Variants in SLC5A7 observed in about 807,000 individuals in gnomAD.
SLC5A7 encodes the protein high affinity choline transporter 1.
A neutral mutation model predicts 55.4 loss-of-function variants in SLC5A7; 19 were observed. That is an observed-to-expected ratio of 0.34 (90% CI 0.24 to 0.50). SLC5A7 has a LOEUF of 0.50. Ranked by LOEUF, SLC5A7 falls within the 20% of genes least tolerant of loss-of-function variation. The pLI, the probability that SLC5A7 is intolerant of heterozygous loss-of-function variation, is 0.98. For synonymous variants in SLC5A7, 265 were observed against 263.7 expected, an observed-to-expected ratio of 1.00 and a Z score of -0.05; for missense variants, 506 against 705.3, an observed-to-expected ratio of 0.72 and a Z score of 3.20.
intron 5 of SLC5A7, among the ~76,000 whole-genome samples, 160 bp downstream of exon 5, chr2:107,998,146 A>G (rs1429020538): frequency 1.3e-5 from 2 of 152,246 alleles, no homozygotes; most frequent in African/African-American, 4.8e-5. Context: ...AATTAATTAG[A>G]TGAAAAACTC....
chr2:107,994,889 G>T (rs1487405331), intron 4 of SLC5A7, among the ~76,000 whole-genome samples: 1 of 152,130 alleles, frequency 6.6e-6, no homozygotes, highest in Non-Finnish European at 1.5e-5. Context: ...TTATATAACA[G>T]AGCCCTGAAG....
intron 6 of SLC5A7, among the ~76,000 whole-genome samples, chr2:108,005,592 G>A (rs201496049): frequency 1.3e-5 from 2 of 152,160 alleles, no homozygotes; most frequent in Non-Finnish European, 1.5e-5. Flanking sequence ...CATCATAAAC[G>A]GAGTGGCTTA....
intron 2 of SLC5A7, among the ~76,000 whole-genome samples, chr2:107,990,644 C>T (rs333235): frequency 0.81 from 122,711 of 152,158 alleles, 50,282 homozygotes; most frequent in African/African-American, 0.89. Flanking sequence ...TTGCTAAATA[C>T]GTATTTGTCT....
Position 108,006,122 on chromosome 2 carries a change from T to C in SLC5A7, c.815T>C (p.Val272Ala), listed in dbSNP as rs772699592. ...TCTTCCTCAGCCACCTATGCTCAAG[T>C]GCTGTCCTTCCTGGCAGCTTTCGGG... ...LSSSSATYAQVLSFLAAFGCL... is the reference protein window; with the variant it reads ...LSSSSATYAQALSFLAAFGCL... The change falls in exon 7 of 9, where the codon GTG becomes GCG. Residue 272 changes from valine to alanine, a missense_variant. Physicochemically the swap from Val to Ala is moderately conservative, Grantham distance 64. Coordinates refer to ENST00000264047, the MANE Select transcript of SLC5A7 (RefSeq NM_021815.5). 3.7e-6 allele frequency: 6 copies of C among 1,614,066 alleles called. No individual in the cohort carries two copies. The highest frequency in any genetic ancestry group is 4.5e-5 in the East Asian group (2 of 44,880).
chr2:108,009,983 G>A (rs918124107), intron 8 of SLC5A7, among the ~76,000 whole-genome samples: 2 of 152,134 alleles, frequency 1.3e-5, no homozygotes, highest in East Asian at 1.9e-4. Flanking sequence ...TGTGCATTCA[G>A]GAAAAGGCTC....
rs1174641859 is a variant in SLC5A7 at position 108,013,742 on chromosome 2, A to G, written c.*2881A>G. 1.2e-4 allele frequency: 18 copies of G among 152,168 alleles called. No homozygotes were observed. The highest frequency in any genetic ancestry group is 1.2e-3 in the Admixed American group (18 of 15,254). 9.4% of individuals were successfully genotyped at this position (152,168 alleles called of 1,614,324 possible). A position where few individuals can be genotyped will look rare whatever the true frequency, so the allele number is the denominator to read the frequency against. On this transcript the variant is annotated 3_prime_UTR_variant, in exon 9 of 9. Coordinates refer to ENST00000264047, the MANE Select transcript of SLC5A7 (RefSeq NM_021815.5). Reference sequence around the variant, plus strand: ...TTTTCATACTTTTGATATGATTGTAACATATTTCTTGAGTAATTTAAATGC... The same window carrying G: ...TTTTCATACTTTTGATATGATTGTAGCATATTTCTTGAGTAATTTAAATGC...
intron 8 of SLC5A7, among the ~76,000 whole-genome samples, 157 bp downstream of exon 8, chr2:108,008,839 A>G (rs934968189): frequency 6.7e-6 from 1 of 150,312 alleles, no homozygotes; most frequent in Non-Finnish European, 1.5e-5. Flanking sequence ...AATTATACCT[A>G]TGCTGAATGG....
Position 107,993,065 on chromosome 2 carries a change from T to G in SLC5A7, c.386T>G (p.Leu129Arg). 6.2e-7 allele frequency: 1 copy of G among 1,614,222 alleles called. No individual in the cohort carries two copies. Among genetic ancestry groups the G allele is most frequent in the Non-Finnish European group, 8.5e-7 (1 of 1,180,036 alleles). Residue 129 changes from leucine (L) to arginine (R), a missense_variant, in exon 4 of 9, where the codon CTC (leucine) becomes CGC (arginine). Leu to Arg is a moderately radical substitution (Grantham distance 102, BLOSUM62 -2). Coordinates refer to ENST00000264047, the MANE Select transcript of SLC5A7 (RefSeq NM_021815.5). ...QQIYGKRMGG[L>R]LFIPALMGEM... ...ATCTATGGAAAACGCATGGGCGGACTCCTGTTTATTCCTGCACTGATGGGA... is the reference window on the plus strand; with the variant it reads ...ATCTATGGAAAACGCATGGGCGGACGCCTGTTTATTCCTGCACTGATGGGA...
At chr2:107,996,797 ATGT>A (rs1677687098) in intron 4 of SLC5A7, among the ~76,000 whole-genome samples, 1 of 152,216 alleles carries the variant, frequency 6.6e-6, no homozygotes, top group African/African-American at 2.4e-5. Flanking sequence ...GAAGTTTAAA[ATGT>A]TGATGATGAA....
At chr2:108,003,961 A>C (rs1678012792) in intron 6 of SLC5A7, among the ~76,000 whole-genome samples, 1 of 152,188 alleles carries the variant, frequency 6.6e-6, no homozygotes, top group Non-Finnish European at 1.5e-5. Flanking sequence ...TTGTGCCCTC[A>C]CATGGTGGAA....
At chr2:107,989,003 A>G (rs527868956) in intron 2 of SLC5A7, among the ~76,000 whole-genome samples, 1 of 152,340 alleles carries the variant, frequency 6.6e-6, no homozygotes, top group East Asian at 1.9e-4. Flanking sequence ...CACCATCTGC[A>G]GTCATCTCTC....
chr2:107,992,086 C>A lies in SLC5A7; in HGVS notation c.179-20C>A. The A allele has an allele frequency of 6.5e-7, 1 of 1,535,272 alleles. No individual in the cohort carries two copies. The highest frequency in any genetic ancestry group is 1.4e-5 in the African/African-American group (1 of 73,546). Reference sequence around the variant, plus strand: ...AACAGGTAAGACAGTATCACTCCCTCACTTTTCATTCTGTTTCAGCTACCT... The same window carrying A: ...AACAGGTAAGACAGTATCACTCCCTAACTTTTCATTCTGTTTCAGCTACCT... On this transcript the variant is annotated intron_variant, in intron 2 of 8. Transcript: ENST00000264047.
At chr2:108,001,542 G>C (rs867962686) in intron 5 of SLC5A7, among the ~76,000 whole-genome samples, 10 of 150,044 alleles carry the variant, frequency 6.7e-5, no homozygotes, top group African/African-American at 2.2e-4. Flanking sequence ...GCGTAGTGGC[G>C]GGCGCCTGTA....
intron 4 of SLC5A7, among the ~76,000 whole-genome samples, chr2:107,994,543 G>A (rs1197270702): frequency 2.0e-5 from 3 of 152,032 alleles, no homozygotes; most frequent in African/African-American, 4.8e-5. Flanking sequence ...CTGAGATCAC[G>A]CCACTGCACT....
intron 4 of SLC5A7, among the ~76,000 whole-genome samples, chr2:107,995,444 G>GGA (rs67365376): frequency 0.01 from 1,457 of 139,814 alleles, 29 homozygotes; most frequent in African/African-American, 0.031. Flanking sequence ...GAACTCTTTG[G>GGA]GAGAGAGAGA....
chr2:107,993,320 C>T (rs761984006), intron 4 of SLC5A7, among the ~76,000 whole-genome samples, 193 bp downstream of exon 4: 1 of 152,170 alleles, frequency 6.6e-6, no homozygotes, highest in Non-Finnish European at 1.5e-5. Flanking sequence ...TTAAATAAAA[C>T]CTCAGCTACA....
chr2:107,990,580 AT>A lies in SLC5A7; in HGVS notation c.179-1521del, dbSNP rs145055362. Among the ~76,000 whole-genome samples, 65 of 152,210 alleles carry A rather than the reference AT, an allele frequency of 4.3e-4. No homozygotes were observed. The East Asian group carries it at 0.012, about 27-fold the overall frequency. On this transcript the variant is annotated intron_variant, in intron 2 of 8. Transcript: ENST00000264047. ...AAGAAAACAAATAATGCCATTTGTT[AT>A]TTTTGTTATTTGTTAACACTGAGGG...
intron 4 of SLC5A7, among the ~76,000 whole-genome samples, chr2:107,993,458 C>T (rs1677532531): frequency 6.6e-6 from 1 of 152,186 alleles, no homozygotes; most frequent in Admixed American, 6.5e-5. Flanking sequence ...GTGCAGTTTA[C>T]TTAACATAAA....
At chr2:107,989,046 T>A (rs538274827) in intron 2 of SLC5A7, among the ~76,000 whole-genome samples, 1 of 152,346 alleles carries the variant, frequency 6.6e-6, no homozygotes, top group Non-Finnish European at 1.5e-5. Flanking sequence ...CAGGAGCTGA[T>A]ATTCTTTCTT....
Sources: allele counts gnomAD v4.1 joint callset (sites outside exome capture counted in the v4.1 genomes callset), GRCh38; gene constraint gnomAD v4.1.1; transcripts MANE v1.5; gene names NCBI Gene and HGNC (gene_info 2026-07-23, HGNC 2026-07-21).